Variants in SORCS3 observed in about 807,000 individuals in gnomAD.
SORCS3 encodes sortilin related VPS10 domain containing receptor 3.
Under a neutral mutation model 146.3 loss-of-function variants are expected in SORCS3, and 57 were observed. The observed-to-expected ratio is 0.39, with a 90% CI of 0.31 to 0.49. The LOEUF is 0.49. Ranked by LOEUF, SORCS3 falls within the 20% of genes least tolerant of loss-of-function variation. SORCS3 has a pLI of 0.92. For missense variants in SORCS3, 1,341 were observed against 1,575.5 expected (o/e 0.85, Z 2.52); for synonymous variants, 653 against 618.5 (o/e 1.06, Z -0.83).
At chr10:104,726,730 A>G (rs1215308605) in intron 1 of SORCS3, among the ~76,000 whole-genome samples, 11 of 151,902 alleles carry the variant, frequency 7.2e-5, no homozygotes, top group Non-Finnish European at 1.3e-4. Context: ...TCTGGTTCCT[A>G]TTTATACATC....
At chr10:104,700,823 A>G (rs2016272026) in intron 1 of SORCS3, among the ~76,000 whole-genome samples, 1 of 152,210 alleles carries the variant, frequency 6.6e-6, no homozygotes, top group African/African-American at 2.4e-5. Flanking sequence ...AGTACAACAA[A>G]GGATGTGAAT....
intron 4 of SORCS3, among the ~76,000 whole-genome samples, chr10:105,023,638 TAG>T (rs1291276973): frequency 1.3e-5 from 2 of 152,192 alleles, no homozygotes; most frequent in Non-Finnish European, 2.9e-5. Flanking sequence ...TTCAGCATTT[TAG>T]TCAATGCAAA....
At chr10:104,781,975 T>G (rs1301936654) in intron 1 of SORCS3, among the ~76,000 whole-genome samples, 1 of 152,226 alleles carries the variant, frequency 6.6e-6, no homozygotes, top group Non-Finnish European at 1.5e-5. Flanking sequence ...CTTTACACAC[T>G]CCTGGTTTTT....
At chr10:104,772,430 G>C (rs188888678) in intron 1 of SORCS3, among the ~76,000 whole-genome samples, 2 of 152,290 alleles carry the variant, frequency 1.3e-5, no homozygotes, top group Admixed American at 1.3e-4. Context: ...TTCAGGAAAG[G>C]AGCCTCAGCA....
chr10:104,809,891 G>A (rs1017786354), intron 1 of SORCS3, among the ~76,000 whole-genome samples: 1 of 152,196 alleles, frequency 6.6e-6, no homozygotes, highest in African/African-American at 2.4e-5. Context: ...GTTGCTCATC[G>A]AGCCACAGAC....
chr10:104,814,071 G>A (rs189356478), intron 1 of SORCS3, among the ~76,000 whole-genome samples: 44 of 151,746 alleles, frequency 2.9e-4, no homozygotes, highest in African/African-American at 1.1e-3. Context: ...TCATGCACAG[G>A]CTCTTCTAGA....
chr10:105,022,717 G>A (rs145825980), intron 4 of SORCS3, among the ~76,000 whole-genome samples: 25 of 152,148 alleles, frequency 1.6e-4, no homozygotes, highest in Admixed American at 7.2e-4. Flanking sequence ...GTGGGGAAAG[G>A]ACATTGTTAT....
intron 6 of SORCS3, among the ~76,000 whole-genome samples, chr10:105,092,445 T>A (rs961718968): frequency 5.3e-5 from 8 of 152,188 alleles, no homozygotes; most frequent in Admixed American, 5.2e-4. Context: ...AAAATAATGC[T>A]TTTTCAATCT....
chr10:105,245,070 A>AG (rs2056857852), intron 20 of SORCS3, among the ~76,000 whole-genome samples: 1 of 151,400 alleles, frequency 6.6e-6, no homozygotes, highest in Non-Finnish European at 1.5e-5. Flanking sequence ...CTCTGTCAAA[A>AG]AAAAAAAAAA....
intron 7 of SORCS3, among the ~76,000 whole-genome samples, chr10:105,121,266 A>T (rs2055930407): frequency 6.6e-6 from 1 of 152,256 alleles, no homozygotes; most frequent in African/African-American, 2.4e-5. Flanking sequence ...ATTATTTCAC[A>T]TCAAATTTAT....
intron 11 of SORCS3, among the ~76,000 whole-genome samples, chr10:105,161,554 G>A (rs1448856014): frequency 1.3e-5 from 2 of 152,062 alleles, no homozygotes; most frequent in African/African-American, 4.8e-5. Context: ...TCCTGGTTGA[G>A]GACATCTCCG....
At chr10:104,935,610 G>C (rs1244896061) in intron 3 of SORCS3, among the ~76,000 whole-genome samples, 1 of 152,150 alleles carries the variant, frequency 6.6e-6, no homozygotes, top group Non-Finnish European at 1.5e-5. Context: ...GTCATTCCCA[G>C]GAGAGTGATA....
At chr10:104,821,917 T>C (rs2017877077) in intron 1 of SORCS3, among the ~76,000 whole-genome samples, 1 of 152,138 alleles carries the variant, frequency 6.6e-6, no homozygotes, top group Non-Finnish European at 1.5e-5. Flanking sequence ...GCCAGGTACA[T>C]AGTAGGTGCT....
intron 25 of SORCS3, among the ~76,000 whole-genome samples, chr10:105,258,228 C>A (rs2056942077): frequency 6.6e-6 from 1 of 152,192 alleles, no homozygotes; most frequent in Non-Finnish European, 1.5e-5. Context: ...ACTTGTAGAC[C>A]AGTATGTGAG....
chr10:104,688,176 C>A lies in SORCS3; in HGVS notation c.627+46222C>A, dbSNP rs12266367. 4.0e-3 allele frequency among the ~76,000 whole-genome samples: 604 copies of A among 152,352 alleles called. 2 individuals carry two copies. Among genetic ancestry groups the A allele is most frequent in the African/African-American group, 0.014 (581 of 41,584 alleles). On this transcript the variant is annotated intron_variant, in intron 1 of 26. Coordinates refer to ENST00000369701, the MANE Select transcript of SORCS3 (RefSeq NM_014978.3). ...CAGAAGCGGGTCTGGATTGCCTCCT[C>A]CGTCTTGGTCCCAAACTAGAACAGT...
At chr10:104,951,456 T>C (rs2019428114) in intron 3 of SORCS3, among the ~76,000 whole-genome samples, 1 of 152,130 alleles carries the variant, frequency 6.6e-6, no homozygotes, top group Admixed American at 6.5e-5. Context: ...AAAGGATCAG[T>C]AGCTGGGACT....
At chr10:104,668,471 T>C (rs560490963) in intron 1 of SORCS3, among the ~76,000 whole-genome samples, 1 of 152,322 alleles carries the variant, frequency 6.6e-6, no homozygotes, top group Non-Finnish European at 1.5e-5. Context: ...TATATGGTCT[T>C]GGGCAAGTTA....
At chr10:105,007,660 C>G (rs1373456657) in intron 4 of SORCS3, among the ~76,000 whole-genome samples, 1 of 152,018 alleles carries the variant, frequency 6.6e-6, no homozygotes, top group Non-Finnish European at 1.5e-5. Context: ...TCCCCCAACC[C>G]CCCAAAAAAT....
At chr10:105,171,445 C>A (rs1027914157) in intron 13 of SORCS3, among the ~76,000 whole-genome samples, 1 of 152,102 alleles carries the variant, frequency 6.6e-6, no homozygotes, top group African/African-American at 2.4e-5. Context: ...GGCAGGTAGA[C>A]GAGGGTGTGA....
Sources: allele counts gnomAD v4.1 joint callset (sites outside exome capture counted in the v4.1 genomes callset), GRCh38; gene constraint gnomAD v4.1.1; transcripts MANE v1.5; gene names NCBI Gene and HGNC (gene_info 2026-07-23, HGNC 2026-07-21).